Variants in KCNN3 observed in about 807,000 individuals in gnomAD.
The protein encoded by KCNN3 is small conductance calcium-activated potassium channel protein 3.
Under a neutral mutation model 62.9 loss-of-function variants are expected in KCNN3, and 16 were observed. The ratio of observed to expected loss-of-function variants is 0.25; its 90% confidence interval spans 0.17 to 0.39. The LOEUF is 0.39. Among genes scored for constraint, KCNN3 ranks in the 10% least tolerant of loss-of-function variants. The pLI, the probability that KCNN3 is intolerant of heterozygous loss-of-function variation, is 1.00. For missense variants in KCNN3, 599 were observed against 949.4 expected (o/e 0.63, Z 4.85); for synonymous variants, 370 against 389.2 (o/e 0.95, Z 0.58).
intron 1 of KCNN3, among the ~76,000 whole-genome samples, chr1:154,842,729 C>G (rs567294690): frequency 6.7e-6 from 1 of 149,380 alleles, no homozygotes; most frequent in African/African-American, 2.4e-5. Flanking sequence ...AACCTCTCCC[C>G]TTGCATATAT....
At chr1:154,758,192 C>G (rs1339215923) in intron 3 of KCNN3, among the ~76,000 whole-genome samples, 2 of 152,134 alleles carry the variant, frequency 1.3e-5, no homozygotes, top group Non-Finnish European at 2.9e-5. Context: ...AAAGTAGTGT[C>G]CCAGAGGGTG....
At chr1:154,753,564 C>A (rs139741347) in intron 3 of KCNN3, among the ~76,000 whole-genome samples, 1 of 152,238 alleles carries the variant, frequency 6.6e-6, no homozygotes, top group Non-Finnish European at 1.5e-5. Flanking sequence ...CTGCCACAGG[C>A]GATCGGGGTC....
At chr1:154,780,194 C>CTTTTTTTTTTTT (rs71077969) in intron 2 of KCNN3, among the ~76,000 whole-genome samples, 3 of 102,060 alleles carry the variant, frequency 2.9e-5, no homozygotes, top group African/African-American at 3.9e-5. Flanking sequence ...TTCTTTTTTT[C>CTTTTTTTTTTTT]TTTTTTTTTT....
chr1:154,861,908 C>A (rs1011601279), intron 1 of KCNN3, among the ~76,000 whole-genome samples: 2 of 152,188 alleles, frequency 1.3e-5, no homozygotes, highest in East Asian at 1.9e-4. Context: ...AAAGATCACA[C>A]AACAAGCTGG....
At chr1:154,830,536 C>T (rs1415425628) in intron 1 of KCNN3, among the ~76,000 whole-genome samples, 2 of 152,238 alleles carry the variant, frequency 1.3e-5, no homozygotes, top group Non-Finnish European at 2.9e-5. Flanking sequence ...ACCGTCTCTG[C>T]AGACTGGGCC....
chr1:154,717,722 T>G (rs1222527218), intron 5 of KCNN3, among the ~76,000 whole-genome samples: 1 of 152,152 alleles, frequency 6.6e-6, no homozygotes, highest in African/African-American at 2.4e-5. Flanking sequence ...GAGGCCTCCG[T>G]GCATTCGGGA....
At chr1:154,827,542 T>A (rs1651189421) in intron 1 of KCNN3, among the ~76,000 whole-genome samples, 1 of 152,182 alleles carries the variant, frequency 6.6e-6, no homozygotes, top group Admixed American at 6.5e-5. Flanking sequence ...CTCACGCCTG[T>A]AAGTCCAACA....
intron 1 of KCNN3, among the ~76,000 whole-genome samples, chr1:154,854,627 T>C (rs1278954919): frequency 6.6e-6 from 1 of 152,252 alleles, no homozygotes; most frequent in Non-Finnish European, 1.5e-5. Context: ...TTTTTTCTAC[T>C]ACAGTCATGT....
intron 2 of KCNN3, among the ~76,000 whole-genome samples, chr1:154,799,294 G>A (rs1649858301): frequency 6.6e-6 from 1 of 152,186 alleles, no homozygotes; most frequent in African/African-American, 2.4e-5. Flanking sequence ...AGAGGTCAGT[G>A]GTCTCCAGTC....
At chr1:154,777,403 A>G (rs568333112) in intron 2 of KCNN3, among the ~76,000 whole-genome samples, 6 of 152,138 alleles carry the variant, frequency 3.9e-5, no homozygotes, top group Non-Finnish European at 8.8e-5. Context: ...CATATGAAGA[A>G]AAGGACAGAT....
rs769497001 is a variant in KCNN3, at chr1:154,822,068, G to C, written c.1029+21C>G. On this transcript the variant is annotated intron_variant, in intron 2 of 7. Transcript: ENST00000271915. ...CCAAAGGATCAGCCGCTGCATGAAG[G>C]GGTGAGGTGGGGGCACCTACCTGGA... The C allele has an allele frequency of 3.9e-5, 62 of 1,574,612 alleles. 1 individual carries two copies. The South Asian group carries it at 6.0e-4, about 15-fold the overall frequency.
intron 2 of KCNN3, among the ~76,000 whole-genome samples, chr1:154,780,194 CTTT>C (rs71077969): frequency 9.8e-6 from 1 of 102,048 alleles, no homozygotes; most frequent in Admixed American, 1.1e-4. Context: ...TTCTTTTTTT[CTTT>C]TTTTTTTTTT....
At chr1:154,747,098 C>G (rs1700953566) in intron 3 of KCNN3, among the ~76,000 whole-genome samples, 1 of 152,214 alleles carries the variant, frequency 6.6e-6, no homozygotes, top group African/African-American at 2.4e-5. Context: ...GCCAGCCACA[C>G]TAGGACACCA....
intron 1 of KCNN3, chr1:154,859,555 G>A: frequency 1.2e-6 from 1 of 834,854 alleles, no homozygotes; most frequent in Admixed American, 1.7e-5. Context: ...ATGAGCAAGG[G>A]CAGCCTCTCC....
intron 5 of KCNN3, among the ~76,000 whole-genome samples, chr1:154,719,509 G>T (rs1422225133): frequency 6.6e-6 from 1 of 152,114 alleles, no homozygotes; most frequent in African/African-American, 2.4e-5. Context: ...TTTCAGCTCT[G>T]TTATAGCCTT....
chr1:154,756,488 C>G (rs996315816), intron 3 of KCNN3, among the ~76,000 whole-genome samples: 1 of 152,092 alleles, frequency 6.6e-6, no homozygotes, highest in African/African-American at 2.4e-5. Context: ...TGCCACACCC[C>G]CCTTCATCTG....
At chr1:154,748,388 GT>G (rs1700986131) in intron 3 of KCNN3, among the ~76,000 whole-genome samples, 1 of 152,122 alleles carries the variant, frequency 6.6e-6, no homozygotes, top group African/African-American at 2.4e-5. Context: ...ACAGTTCATC[GT>G]TTTTTATATA....
intron 5 of KCNN3, among the ~76,000 whole-genome samples, chr1:154,717,173 C>T (rs1384658862): frequency 1.3e-5 from 2 of 152,192 alleles, no homozygotes; most frequent in African/African-American, 4.8e-5. Context: ...TATGTCTAAG[C>T]TCCTTTAATC....
At chr1:154,737,962 T>C (rs1373337328) in intron 3 of KCNN3, among the ~76,000 whole-genome samples, 1 of 151,944 alleles carries the variant, frequency 6.6e-6, no homozygotes, top group African/African-American at 2.4e-5. Context: ...ATGAGAAAAT[T>C]AGTGAATCAG....
Sources: gnomAD v4.1 joint callset for allele counts (sites outside exome capture counted in the v4.1 genomes callset) on GRCh38, gnomAD v4.1.1 for gene constraint, MANE v1.5 for transcripts, NCBI Gene and HGNC (gene_info 2026-07-23, HGNC 2026-07-21) for gene names.